GLI3: variants seen among roughly 807,000 people sequenced by gnomAD.
GLI3 encodes the protein transcription activator GLI3.
Under a neutral mutation model 100.8 loss-of-function variants are expected in GLI3, and 20 were observed. The observed-to-expected ratio is 0.20, with a 90% CI of 0.14 to 0.29. GLI3 has a LOEUF of 0.29. Among genes scored for constraint, GLI3 ranks in the 10% least tolerant of loss-of-function variants. The probability of loss-of-function intolerance (pLI) is 1.00; values close to 1 mark genes in which losing one functional copy is unlikely to be tolerated. For missense variants in GLI3, 2,040 were observed against 2,128.5 expected (o/e 0.96, Z 0.82); for synonymous variants, 938 against 860.5 (o/e 1.09, Z -1.58).
At chr7:41,973,335 T>G (rs1045623575) in intron 12 of GLI3, among the ~76,000 whole-genome samples, 1 of 152,230 alleles carries the variant, frequency 6.6e-6, no homozygotes, top group South Asian at 2.1e-4. Context: ...TGACGGATGT[T>G]CTGGGGACCA....
chr7:41,965,516 G>A lies in GLI3; in HGVS notation c.3557C>T (p.Pro1186Leu), dbSNP rs541487979. The stretch of plus-strand genomic sequence containing the variant: ...GCAGAACCCAAAGGCGCGAGTCTGC[G>A]GCACAGCGGGCCGCGGCCCACACTT... ...KLKCGPRPAV[P>L]QTRAFGFCNG... The change falls in exon 15 of 15, where the codon CCG (proline) becomes CTG (leucine). Residue 1186 changes from proline (P) to leucine (L), a missense_variant. Coordinates refer to ENST00000395925, the MANE Select transcript of GLI3 (RefSeq NM_000168.6). 53 of 1,606,258 alleles carry A rather than the reference G, an allele frequency of 3.3e-5. 2 individuals are homozygous for A. In the South Asian group the frequency reaches 5.1e-4, roughly 15 times the overall value.
chr7:42,151,514 C>T (rs1786861895), intron 2 of GLI3: 1 of 152,212 alleles, frequency 6.6e-6, no homozygotes, highest in African/African-American at 2.4e-5. Flanking sequence ...CAGAAACACA[C>T]TGTCCACCAT....
intron 2 of GLI3, among the ~76,000 whole-genome samples, chr7:42,164,191 T>G (rs1258624009): frequency 9.9e-5 from 15 of 152,250 alleles, no homozygotes. Context: ...GCTGGTGTTT[T>G]AATATAGTTG....
chr7:42,041,982 G>A (rs1203768828), intron 6 of GLI3, among the ~76,000 whole-genome samples: 1 of 148,112 alleles, frequency 6.8e-6, no homozygotes, highest in Non-Finnish European at 1.5e-5. Flanking sequence ...TTTAGAGCAT[G>A]TTAGCACAAA....
At chr7:42,213,963 C>T (rs17172025) in intron 2 of GLI3, among the ~76,000 whole-genome samples, 2,275 of 152,326 alleles carry the variant, frequency 0.015, 24 homozygotes, top group Non-Finnish European at 0.022. Context: ...CAAACACACT[C>T]GGGCCTGCAG....
At chr7:42,239,935 G>T (rs1052179928), upstream of GLI3, among the ~76,000 whole-genome samples, 1 of 152,156 alleles carries the variant, frequency 6.6e-6, no homozygotes, top group Non-Finnish European at 1.5e-5. Context: ...ACACCAGAAC[G>T]CTTTCCAAAT....
intron 2 of GLI3, among the ~76,000 whole-genome samples, chr7:42,204,145 A>C (rs1283462985): frequency 6.6e-6 from 1 of 152,066 alleles, no homozygotes; most frequent in Non-Finnish European, 1.5e-5. Flanking sequence ...GATGGAGCCC[A>C]AAGTGTCTAG....
intron 3 of GLI3, among the ~76,000 whole-genome samples, chr7:42,084,377 C>T (rs970917653): frequency 1.3e-5 from 2 of 152,220 alleles, no homozygotes. Flanking sequence ...ACTGATCTCG[C>T]CCCTTTCTGG....
At chr7:41,984,928 A>G (rs1787774561) in intron 10 of GLI3, among the ~76,000 whole-genome samples, 1 of 152,256 alleles carries the variant, frequency 6.6e-6, no homozygotes, top group South Asian at 2.1e-4. Context: ...TCTCTCTCAC[A>G]TACACACAAA....
At chr7:42,095,448 G>A (rs1457493731) in intron 3 of GLI3, among the ~76,000 whole-genome samples, 1 of 152,216 alleles carries the variant, frequency 6.6e-6, no homozygotes, top group Non-Finnish European at 1.5e-5. Context: ...TGGAGAATGG[G>A]TTGGAGTGGA....
At chr7:42,236,671 G>A (rs1009629763) in intron 1 of GLI3, among the ~76,000 whole-genome samples, 3 of 152,334 alleles carry the variant, frequency 2.0e-5, no homozygotes, top group Non-Finnish European at 2.9e-5. Context: ...GCGGAGGCGA[G>A]GGGCGCCGCC....
At chr7:42,158,032 T>C (rs549487893) in intron 2 of GLI3, among the ~76,000 whole-genome samples, 77 of 152,340 alleles carry the variant, frequency 5.1e-4, no homozygotes, top group African/African-American at 1.7e-3. Flanking sequence ...AATTATATCA[T>C]TTTAATTATC....
intron 2 of GLI3, among the ~76,000 whole-genome samples, chr7:42,213,431 T>C (rs1457718244): frequency 6.6e-6 from 1 of 152,178 alleles, no homozygotes; most frequent in African/African-American, 2.4e-5. Flanking sequence ...GTAATAGCAG[T>C]CTAATTGAGT....
At chr7:41,976,296 G>A (rs562044965) in intron 12 of GLI3, among the ~76,000 whole-genome samples, 1 of 152,304 alleles carries the variant, frequency 6.6e-6, no homozygotes, top group South Asian at 2.1e-4. Context: ...TAGAAAATGA[G>A]ATTCCGAATA....
chr7:42,111,605 G>A (rs2128766713), intron 3 of GLI3, among the ~76,000 whole-genome samples: 1 of 152,288 alleles, frequency 6.6e-6, no homozygotes, highest in South Asian at 2.1e-4. Context: ...AGGAGAGCAG[G>A]CCTGAGGAAG....
intron 1 of GLI3, among the ~76,000 whole-genome samples, chr7:42,236,669 G>A (rs1788804870): frequency 6.6e-6 from 1 of 152,196 alleles, no homozygotes; most frequent in Non-Finnish European, 1.5e-5. Context: ...GGGCGGAGGC[G>A]AGGGGCGCCG....
At chr7:42,071,488 A>G (rs1316263569) in intron 4 of GLI3, among the ~76,000 whole-genome samples, 3 of 152,192 alleles carry the variant, frequency 2.0e-5, no homozygotes, top group Non-Finnish European at 2.9e-5. Flanking sequence ...TGAAATCACT[A>G]TTACATGAAC....
At position 41,967,772 on chromosome 7, in the gene GLI3, G is replaced by A. The variant is rs2128707130; in HGVS notation, c.2255C>T (p.Ser752Leu). 1 of 1,614,220 alleles carries A rather than the reference G, an allele frequency of 6.2e-7. No individual in the cohort carries two copies. The highest frequency in any genetic ancestry group is 8.5e-7 in the Non-Finnish European group (1 of 1,180,048). ...SAIDETPIMD[S>L]TISTATTALA... The stretch of plus-strand genomic sequence containing the variant: ...GGCTGTGGTTGCAGTGGAAATGGTT[G>A]AGTCCATGATTGGGGTTTCATCGAT... Residue 752 changes from serine (S) to leucine (L), a missense_variant, in exon 14 of 15, where the codon TCA becomes TTA. Ser to Leu is a moderately radical substitution (Grantham distance 145). This residue lies in a region of GLI3 where 327 missense variants were observed against 338.7 expected (regional missense o/e 0.97). Coordinates refer to ENST00000395925, the MANE Select transcript of GLI3 (RefSeq NM_000168.6).
At chr7:42,150,273 C>A (rs1786822867) in intron 2 of GLI3, 1 of 152,184 alleles carries the variant, frequency 6.6e-6, no homozygotes, top group African/African-American at 2.4e-5. Context: ...ATGCTCCTTG[C>A]AATTTTAAAA....
Sources: allele counts gnomAD v4.1 joint callset (sites outside exome capture counted in the v4.1 genomes callset), GRCh38; gene constraint gnomAD v4.1.1; regional missense constraint gnomAD v4.1.1; transcripts MANE v1.5; gene names NCBI Gene and HGNC (gene_info 2026-07-23, HGNC 2026-07-21).